Variants in CPQ observed in about 807,000 individuals in gnomAD.
CPQ encodes the protein Ser-Met dipeptidase.
A neutral mutation model predicts 45.7 loss-of-function variants in CPQ; 37 were observed. The ratio of observed to expected loss-of-function variants is 0.81; its 90% confidence interval spans 0.62 to 1.07. The LOEUF is 1.07. Among genes scored for constraint, CPQ ranks in the 50% least tolerant of loss-of-function variants. The pLI, the probability that CPQ is intolerant of heterozygous loss-of-function variation, is 0.00. For synonymous variants in CPQ, 186 were observed against 205.8 expected, an observed-to-expected ratio of 0.90 and a Z score of 0.82; for missense variants, 537 against 572.9, an observed-to-expected ratio of 0.94 and a Z score of 0.64.
intron 4 of CPQ, among the ~76,000 whole-genome samples, chr8:96,945,985 C>A (rs1813182617): frequency 6.6e-6 from 1 of 152,206 alleles, no homozygotes; most frequent in African/African-American, 2.4e-5. Context: ...TCATGCACTG[C>A]AGAATCCCTG....
At chr8:97,139,049 T>G (rs189174495) in intron 7 of CPQ, among the ~76,000 whole-genome samples, 70 of 152,166 alleles carry the variant, frequency 4.6e-4, no homozygotes, top group African/African-American at 1.6e-3. Context: ...AAGTATGAGA[T>G]AGAGAAAGGC....
chr8:96,853,655 A>G (rs1368079439), intron 3 of CPQ, among the ~76,000 whole-genome samples: 10 of 151,994 alleles, frequency 6.6e-5, no homozygotes, highest in Non-Finnish European at 1.5e-4. Flanking sequence ...GTGTTTTGAA[A>G]GGTTTGTTGT....
chr8:97,133,027 A>G (rs1811984005), intron 7 of CPQ: 1 of 152,204 alleles, frequency 6.6e-6, no homozygotes, highest in African/African-American at 2.4e-5. Context: ...CACACAGAAA[A>G]TTATAAAGTC....
At chr8:97,023,654 G>A (rs1001987017) in intron 5 of CPQ, among the ~76,000 whole-genome samples, 4 of 152,070 alleles carry the variant, frequency 2.6e-5, no homozygotes, top group African/African-American at 9.7e-5. Flanking sequence ...TGTTGCCTTT[G>A]AATTATGGAA....
chr8:96,718,655 C>T (rs966961307), intron 1 of CPQ, among the ~76,000 whole-genome samples: 2 of 152,148 alleles, frequency 1.3e-5, no homozygotes, highest in African/African-American at 4.8e-5. Flanking sequence ...GCTCGGGCAG[C>T]CTGCTTTTAT....
intron 6 of CPQ, among the ~76,000 whole-genome samples, chr8:97,052,031 C>T (rs1022818801): frequency 1.3e-5 from 2 of 152,278 alleles, no homozygotes; most frequent in South Asian, 4.1e-4. Context: ...ATTCAACCCT[C>T]CTTGAGGATT....
intron 3 of CPQ, among the ~76,000 whole-genome samples, chr8:96,868,083 C>T (rs1448987754): frequency 6.6e-6 from 1 of 152,042 alleles, no homozygotes; most frequent in Non-Finnish European, 1.5e-5. Context: ...TTTCAGAGTG[C>T]TGTCCTCTTT....
chr8:96,906,717 G>A (rs1435967993), intron 4 of CPQ, among the ~76,000 whole-genome samples: 1 of 152,030 alleles, frequency 6.6e-6, no homozygotes, highest in African/African-American at 2.4e-5. Context: ...AAGGGGCAAG[G>A]CAGCTCTCTG....
intron 5 of CPQ, among the ~76,000 whole-genome samples, chr8:96,995,819 C>A (rs1809170338): frequency 6.6e-6 from 1 of 151,926 alleles, no homozygotes; most frequent in Non-Finnish European, 1.5e-5. Context: ...GGATCCTCTC[C>A]CTCTTTCCAC....
At chr8:97,078,763 T>TTCTCTCTCTCTCTCTCTCTCTCTC (rs749278181) in intron 7 of CPQ, among the ~76,000 whole-genome samples, 2 of 100,292 alleles carry the variant, frequency 2.0e-5, no homozygotes, top group Non-Finnish European at 4.0e-5. Flanking sequence ...TCATTTCCAT[T>TTCTCTCTCTCTCTCTCTCTCTCTC]TCTCTCTCTC....
At chr8:96,794,725 T>A (rs1286478167) in intron 2 of CPQ, among the ~76,000 whole-genome samples, 1 of 152,166 alleles carries the variant, frequency 6.6e-6, no homozygotes. Flanking sequence ...AAGTCACATC[T>A]TGAATGCTTT....
intron 3 of CPQ, among the ~76,000 whole-genome samples, chr8:96,848,273 G>A (rs1225544763): frequency 2.0e-5 from 3 of 152,072 alleles, no homozygotes; most frequent in Non-Finnish European, 4.4e-5. Context: ...TGTAGGGGTA[G>A]GAACTTACAT....
chr8:96,680,528 C>T (rs1038992949), intron 1 of CPQ: 1 of 152,214 alleles, frequency 6.6e-6, no homozygotes, highest in African/African-American at 2.4e-5. Flanking sequence ...TATTATGAGG[C>T]CTCCCAGCCC....
chr8:97,125,666 A>G (rs1054450938), intron 7 of CPQ, among the ~76,000 whole-genome samples: 1 of 152,226 alleles, frequency 6.6e-6, no homozygotes, highest in Non-Finnish European at 1.5e-5. Context: ...AGCATTGCAC[A>G]AAATTCAACA....
At chr8:96,742,155 G>A (rs2130779331) in intron 1 of CPQ, among the ~76,000 whole-genome samples, 1 of 150,338 alleles carries the variant, frequency 6.7e-6, no homozygotes, top group African/African-American at 2.4e-5. Context: ...GAATCTGGGT[G>A]CTCCTGTATT....
chr8:96,771,471 T>C (rs1586394072), intron 1 of CPQ, among the ~76,000 whole-genome samples: 1 of 152,066 alleles, frequency 6.6e-6, no homozygotes, highest in South Asian at 2.1e-4. Context: ...TCATGTCTGG[T>C]CTCTTCCTTT....
chr8:96,946,264 T>C (rs1175680017), intron 4 of CPQ, among the ~76,000 whole-genome samples: 1 of 152,168 alleles, frequency 6.6e-6, no homozygotes, highest in Non-Finnish European at 1.5e-5. Context: ...CTTGCATTGC[T>C]TTCATTTCCA....
intron 4 of CPQ, among the ~76,000 whole-genome samples, chr8:96,883,884 A>T (rs1812264755): frequency 6.6e-6 from 1 of 152,086 alleles, no homozygotes; most frequent in Non-Finnish European, 1.5e-5. Flanking sequence ...TCCCGCCCTA[A>T]TGGCTATTTC....
At chr8:96,720,363 T>C (rs947438668) in intron 1 of CPQ, among the ~76,000 whole-genome samples, 1 of 151,750 alleles carries the variant, frequency 6.6e-6, no homozygotes, top group Non-Finnish European at 1.5e-5. Context: ...GACAATATAT[T>C]GCAGACACTC....
Sources: gnomAD v4.1 joint callset for allele counts (sites outside exome capture counted in the v4.1 genomes callset) on GRCh38, gnomAD v4.1.1 for gene constraint, MANE v1.5 for transcripts, NCBI Gene and HGNC (gene_info 2026-07-23, HGNC 2026-07-21) for gene names.